PREPL: variants seen among roughly 807,000 people sequenced by gnomAD.
PREPL encodes the protein prolyl endopeptidase like, also known as prolyl endopeptidase-like.
In PREPL, 77 loss-of-function variants were observed where a neutral mutation model predicts 70.6. The observed-to-expected ratio is 1.09, with a 90% CI of 0.91 to 1.32. The LOEUF (loss-of-function observed/expected upper bound fraction) is 1.32. Ranked by LOEUF, PREPL falls within the 40% of genes most tolerant of loss-of-function variation. The pLI is 0.00. For missense variants in PREPL, 1,002 were observed against 778.2 expected, an observed-to-expected ratio of 1.29 and a Z score of -3.42; for synonymous variants, 315 against 264.8, an observed-to-expected ratio of 1.19 and a Z score of -1.84.
intron 9 of PREPL, 71 bp downstream of exon 9, chr2:44,328,866 A>G: frequency 1.4e-6 from 2 of 1,381,958 alleles, no homozygotes; most frequent in Non-Finnish European, 2.0e-6. Context: ...GTTCCCTGAT[A>G]TATATTGTTA....
chr2:44,326,337 A>G (rs1389240916), intron 10 of PREPL, among the ~76,000 whole-genome samples: 1 of 150,198 alleles, frequency 6.7e-6, no homozygotes, highest in East Asian at 2.0e-4. Context: ...AAGCTTTGTT[A>G]TACTCCTATG....
At chr2:44,345,461 C>T (rs111822224) in intron 2 of PREPL, among the ~76,000 whole-genome samples, 1 of 151,916 alleles carries the variant, frequency 6.6e-6, no homozygotes, top group African/African-American at 2.4e-5. Context: ...AAGTGATTCT[C>T]CTGCCTCGGC....
chr2:44,329,210 T>G (rs1673844585), intron 8 of PREPL, 98 bp from the exon 9 acceptor site: 1 of 948,602 alleles, frequency 1.1e-6, no homozygotes, highest in Non-Finnish European at 1.6e-6. Flanking sequence ...TCCCCACTTG[T>G]GTGCTACCTA....
At chr2:44,340,088 T>C (rs1675051881) in intron 5 of PREPL, among the ~76,000 whole-genome samples, 1 of 152,100 alleles carries the variant, frequency 6.6e-6, no homozygotes, top group Admixed American at 6.5e-5. Context: ...TATATCAATT[T>C]TCTCCCTACA....
intron 10 of PREPL, among the ~76,000 whole-genome samples, chr2:44,325,278 C>A (rs1247104857): frequency 1.3e-5 from 2 of 152,168 alleles, no homozygotes; most frequent in Non-Finnish European, 2.9e-5. Flanking sequence ...AAGCAGTGAT[C>A]ACAGATAATT....
At position 44,342,475 on chromosome 2, in the gene PREPL, G is replaced by C. The variant is rs1361739547; in HGVS notation, c.427C>G (p.Arg143Gly). The C allele has an allele frequency of 6.2e-7, 1 of 1,612,786 alleles. No individual in the cohort carries two copies. Among genetic ancestry groups the C allele is most frequent in the Non-Finnish European group, 8.5e-7 (1 of 1,179,256 alleles). ...CGTTTGTTATCACCAAAAGTGGCTC[G>C]ATATACGTCATGACAGCGAAGGTTC... ...QRNLRCHDVY[R>G]ATFGDNKRNE... The change falls in exon 5 of 14, where the codon CGA becomes GGA. Residue 143 changes from arginine to glycine, a missense_variant. Arg to Gly is a moderately radical substitution (Grantham distance 125, BLOSUM62 -2). Transcript: ENST00000409411.
At chr2:44,344,022 T>A in intron 3 of PREPL, 71 bp from the exon 4 acceptor site, 1 of 1,490,652 alleles carries the variant, frequency 6.7e-7, no homozygotes, top group Non-Finnish European at 8.9e-7. Flanking sequence ...TGTATTTTAA[T>A]GTTTTAAATT....
At chr2:44,338,607 A>G in intron 6 of PREPL, 71 bp from the exon 7 acceptor site, 2 of 1,243,330 alleles carry the variant, frequency 1.6e-6, no homozygotes, top group Non-Finnish European at 2.2e-6. Flanking sequence ...AGATGCAATC[A>G]CTGAGAACTA....
At position 44,342,456 on chromosome 2, in the gene PREPL, T is replaced by C; in HGVS notation, c.446A>G (p.Asn149Ser). The C allele has an allele frequency of 6.2e-7, 1 of 1,613,442 alleles. No homozygotes were observed. The highest frequency in any genetic ancestry group is 8.5e-7 in the Non-Finnish European group (1 of 1,179,576). ...HDVYRATFGDNKRNERFYTEK... is the reference protein window; with the variant it reads ...HDVYRATFGDSKRNERFYTEK... ...TGTGTAAAAGCGTTCATTACGTTTGTTATCACCAAAAGTGGCTCGATATAC... is the reference window on the plus strand; with the variant it reads ...TGTGTAAAAGCGTTCATTACGTTTGCTATCACCAAAAGTGGCTCGATATAC... Residue 149 changes from asparagine to serine, a missense_variant, in exon 5 of 14, where the codon AAC becomes AGC. Asn to Ser is a conservative substitution (Grantham distance 46). Coordinates refer to ENST00000409411, the MANE Select transcript of PREPL (RefSeq NM_001171613.2).
intron 7 of PREPL, among the ~76,000 whole-genome samples, chr2:44,335,092 A>G (rs1674503915): frequency 6.6e-6 from 1 of 152,216 alleles, no homozygotes; most frequent in Non-Finnish European, 1.5e-5. Context: ...GAAGTATTTA[A>G]TTCCACTTGA....
intron 12 of PREPL, among the ~76,000 whole-genome samples, chr2:44,322,441 A>C (rs1266446283): frequency 6.6e-6 from 1 of 152,214 alleles, no homozygotes; most frequent in African/African-American, 2.4e-5. Flanking sequence ...AAATGAATTA[A>C]TAATTGTATG....
At chr2:44,337,294 T>A (rs1014505810) in intron 7 of PREPL, among the ~76,000 whole-genome samples, 1 of 152,208 alleles carries the variant, frequency 6.6e-6, no homozygotes, top group Non-Finnish European at 1.5e-5. Context: ...AAAGCTTTCC[T>A]GGGCCTTCTT....
intron 12 of PREPL, 138 bp downstream of exon 12, chr2:44,322,593 G>C (rs1673084769): frequency 8.6e-7 from 1 of 1,163,158 alleles, no homozygotes; most frequent in Admixed American, 2.4e-5. Flanking sequence ...TAACTGGGGA[G>C]TCAACATAGC....
In PREPL at chr2:44,338,432, G is replaced by T; in HGVS notation, c.807C>A (p.His269Gln). 1.2e-6 allele frequency: 2 copies of T among 1,613,428 alleles called. No homozygotes were observed. Among genetic ancestry groups the T allele is most frequent in the South Asian group, 2.2e-5 (2 of 90,986 alleles). ...KVIDLDMFKD[H>Q]CVLFLKHSNL... The stretch of plus-strand genomic sequence containing the variant: ...TGCTGTGCTTCAGAAATAGAACACA[G>T]TGATCCTTAAACATGTCCAAGTCTA... Residue 269 changes from histidine to glutamine, a missense_variant, in exon 7 of 14, where the codon CAC becomes CAA. Coordinates refer to ENST00000409411, the MANE Select transcript of PREPL (RefSeq NM_001171613.2).
intron 1 of PREPL, among the ~76,000 whole-genome samples, chr2:44,357,977 A>G (rs1677228714): frequency 6.6e-6 from 1 of 152,216 alleles, no homozygotes; most frequent in Non-Finnish European, 1.5e-5. Flanking sequence ...AAACATAAAC[A>G]GTAAAAGTCT....
At chr2:44,336,007 C>A (rs1350284671) in intron 7 of PREPL, among the ~76,000 whole-genome samples, 3 of 151,958 alleles carry the variant, frequency 2.0e-5, no homozygotes, top group African/African-American at 7.3e-5. Flanking sequence ...CAACGAGATA[C>A]CATCTCACAT....
At chr2:44,359,537 T>C (rs994259664) in intron 1 of PREPL, 2 of 1,613,478 alleles carry the variant, frequency 1.2e-6, no homozygotes, top group Non-Finnish European at 1.7e-6. Flanking sequence ...TCTTGCTAAC[T>C]CTGATATCTT....
intron 1 of PREPL, among the ~76,000 whole-genome samples, chr2:44,346,711 A>G (rs1472423426): frequency 6.6e-6 from 1 of 152,126 alleles, no homozygotes; most frequent in Admixed American, 6.5e-5. Flanking sequence ...TTTATACACA[A>G]TTAAGGAGAA....
At chr2:44,344,083 G>A (rs1438886167) in intron 3 of PREPL, 132 bp from the exon 4 acceptor site, 3 of 1,028,862 alleles carry the variant, frequency 2.9e-6, no homozygotes, top group Non-Finnish European at 4.1e-6. Flanking sequence ...CAACAATGAT[G>A]GCAGCTTAAC....
Sources: gnomAD v4.1 joint callset for allele counts (sites outside exome capture counted in the v4.1 genomes callset) on GRCh38, gnomAD v4.1.1 for gene constraint, MANE v1.5 for transcripts, NCBI Gene and HGNC (gene_info 2026-07-23, HGNC 2026-07-21) for gene names.